The following NR1I2 variants were observed in gnomAD, a reference collection of about 807,000 sequenced individuals.
NR1I2 encodes orphan nuclear receptor PAR1.
Under a neutral mutation model 43.3 loss-of-function variants are expected in NR1I2, and 42 were observed. That is an observed-to-expected ratio of 0.97 (90% CI 0.76 to 1.26). The LOEUF (loss-of-function observed/expected upper bound fraction) is 1.26, where lower values mean the gene tolerates loss of function less well. Among genes scored for constraint, NR1I2 ranks in the 50% most tolerant of loss-of-function variants. The probability of loss-of-function intolerance (pLI) is 0.00; values close to 1 mark genes in which losing one functional copy is unlikely to be tolerated. For synonymous variants in NR1I2, 229 were observed against 215.0 expected (o/e 1.06, Z -0.57); for missense variants, 559 against 566.7 (o/e 0.99, Z 0.14).
intron 1 of NR1I2, among the ~76,000 whole-genome samples, chr3:119,794,222 G>A (rs1036781973): frequency 6.6e-6 from 1 of 151,502 alleles, no homozygotes; most frequent in African/African-American, 2.4e-5. Flanking sequence ...TTTTGAGATA[G>A]AGTCTCACTC....
In NR1I2 at chr3:119,817,400, C is replaced by G. The variant is rs923927976; in HGVS notation, c.*188C>G. On this transcript the variant is annotated 3_prime_UTR_variant, in exon 9 of 9. Coordinates refer to ENST00000393716, the MANE Select transcript of NR1I2 (RefSeq NM_003889.4). ...GGAAGGACATGGGTGCCCCCCACCCCCAGTTCAGTCTGTAGGGAGTGAAGC... is the reference window on the plus strand; with the variant it reads ...GGAAGGACATGGGTGCCCCCCACCCGCAGTTCAGTCTGTAGGGAGTGAAGC... The G allele has an allele frequency of 8.2e-6, 12 of 1,468,688 alleles. No individual in the cohort carries two copies. The highest frequency in any genetic ancestry group is 1.1e-5 in the Non-Finnish European group (12 of 1,110,366). The allele number at this position is 1,468,688 out of a possible 1,614,324, so 91.0% of individuals were successfully genotyped here.
chr3:119,797,398 C>A (rs1386685285), intron 1 of NR1I2, among the ~76,000 whole-genome samples: 1 of 152,086 alleles, frequency 6.6e-6, no homozygotes, highest in African/African-American at 2.4e-5. Context: ...CCTTCCTCTG[C>A]GTCTACCATA....
chr3:119,787,661 G>A (rs2054859966), intron 1 of NR1I2, among the ~76,000 whole-genome samples: 2 of 2,614 alleles, frequency 7.7e-4, no homozygotes, highest in African/African-American at 1.1e-3. Flanking sequence ...ATTAATATGT[G>A]TGTGTGTGTG....
At chr3:119,803,435 G>A (rs1451985213) in intron 1 of NR1I2, among the ~76,000 whole-genome samples, 3 of 152,084 alleles carry the variant, frequency 2.0e-5, no homozygotes, top group Non-Finnish European at 2.9e-5. Flanking sequence ...TATGAGGACA[G>A]AGGGAGAAAG....
In NR1I2 at chr3:119,807,370, C is replaced by T; in HGVS notation, c.120C>T (p.Ile40=). ...ATGAGGAAGTCGGAGGTCCCCAAAT[C>T]TGCCGTGTATGTGGGGACAAGGCCA... The change falls in exon 2 of 9, where the codon ATC becomes ATT. Residue 40 remains isoleucine, a synonymous_variant. Transcript: ENST00000393716. The T allele has an allele frequency of 6.2e-7, 1 of 1,614,240 alleles. No individual in the cohort carries two copies. Among genetic ancestry groups the T allele is most frequent in the Non-Finnish European group, 8.5e-7 (1 of 1,180,034 alleles).
At chr3:119,787,597 A>G (rs1456889622) in intron 1 of NR1I2, among the ~76,000 whole-genome samples, 2 of 150,980 alleles carry the variant, frequency 1.3e-5, no homozygotes, top group Non-Finnish European at 2.9e-5. Flanking sequence ...CAGTATTCTT[A>G]TATTACATTC....
intron 1 of NR1I2, among the ~76,000 whole-genome samples, chr3:119,796,567 G>A (rs542875540): frequency 3.3e-5 from 5 of 152,280 alleles, no homozygotes; most frequent in African/African-American, 1.2e-4. Context: ...ACTCCTGGGA[G>A]CCTTGCTCCT....
In NR1I2 at chr3:119,813,005, A is replaced by G. The variant is rs368458189; in HGVS notation, c.794+45A>G. The G allele has an allele frequency of 5.0e-5, 80 of 1,600,554 alleles. No individual in the cohort carries two copies. The African/African-American group carries it at 1.0e-3, about 20-fold the overall frequency. ...TGGTTGGGTGTGGAAAAGAACTGGA[A>G]GTGGCCAGGAGGTTCAAAGGGCCTG... is the stretch of plus-strand genomic sequence containing the variant. On this transcript the variant is annotated intron_variant, in intron 5 of 8. Transcript: ENST00000393716.
intron 1 of NR1I2, among the ~76,000 whole-genome samples, chr3:119,800,798 G>T (rs959057841): frequency 8.5e-5 from 13 of 152,200 alleles, no homozygotes; most frequent in Non-Finnish European, 8.8e-5. Flanking sequence ...CTTCCTGCCT[G>T]GGAACAGAGA....
At chr3:119,816,775 C>A (rs891640132) in intron 8 of NR1I2, among the ~76,000 whole-genome samples, 1 of 150,438 alleles carries the variant, frequency 6.6e-6, no homozygotes, top group South Asian at 2.1e-4. Flanking sequence ...AGTCCATGAT[C>A]GTGCCATCAT....
At position 119,807,236 on chromosome 3, in the gene NR1I2, G is replaced by T; in HGVS notation, c.-15G>T. 1 of 1,614,006 alleles carries T rather than the reference G, an allele frequency of 6.2e-7. No individual in the cohort carries two copies. The highest frequency in any genetic ancestry group is 8.5e-7 in the Non-Finnish European group (1 of 1,179,912). On this transcript the variant is annotated 5_prime_UTR_variant, in exon 2 of 9. It adds an upstream start codon to the 5' untranslated region. Transcript: ENST00000393716. ...TGGTTTTCTCATTTCTAGTCCAAGA[G>T]GCCCAGAAGCAAACCTGGAGGTGAG...
At chr3:119,809,559 G>A (rs1297494734) in intron 2 of NR1I2, among the ~76,000 whole-genome samples, 1 of 138,948 alleles carries the variant, frequency 7.2e-6, no homozygotes, top group South Asian at 2.7e-4. Flanking sequence ...GGGGGAAGGC[G>A]GGGGGGAAGG....
chr3:119,813,000 C>G (rs1445475263), intron 5 of NR1I2, 40 bp downstream of exon 5: 1 of 1,605,036 alleles, frequency 6.2e-7, no homozygotes, highest in Non-Finnish European at 8.5e-7. Context: ...TGGAAAAGAA[C>G]TGGAAGTGGC....
intron 1 of NR1I2, among the ~76,000 whole-genome samples, chr3:119,798,927 A>G (rs2055039351): frequency 6.6e-6 from 1 of 152,196 alleles, no homozygotes; most frequent in Non-Finnish European, 1.5e-5. Context: ...TGCATTCCAC[A>G]TTTTATTGAT....
chr3:119,783,459 A>G (rs1051792010), intron 1 of NR1I2, among the ~76,000 whole-genome samples: 1 of 152,118 alleles, frequency 6.6e-6, no homozygotes, highest in Admixed American at 6.5e-5. Flanking sequence ...AAATTGACCA[A>G]TTGCGAAAGA....
At chr3:119,787,370 G>A (rs1183323014) in intron 1 of NR1I2, among the ~76,000 whole-genome samples, 1 of 151,932 alleles carries the variant, frequency 6.6e-6, no homozygotes. Context: ...TTTGCAAAAG[G>A]GATAATAAGA....
At chr3:119,816,609 C>T (rs535931727) in intron 8 of NR1I2, among the ~76,000 whole-genome samples, 14 of 152,060 alleles carry the variant, frequency 9.2e-5, no homozygotes, top group Non-Finnish European at 1.8e-4. Context: ...TCCCTTGGGG[C>T]CAGGAGTTCA....
chr3:119,788,316 T>C (rs1184731477), intron 1 of NR1I2, among the ~76,000 whole-genome samples: 1 of 151,984 alleles, frequency 6.6e-6, no homozygotes, highest in Non-Finnish European at 1.5e-5. Flanking sequence ...CAAAGTCTCA[T>C]GTTGTTGCCC....
At position 119,815,744 on chromosome 3, in the gene NR1I2, A is replaced by G. The variant is rs768717426; in HGVS notation, c.1073A>G (p.Gln358Arg). 2 of 1,613,594 alleles carry G rather than the reference A, an allele frequency of 1.2e-6. No homozygotes were observed. Among genetic ancestry groups the G allele is most frequent in the South Asian group, 2.2e-5 (2 of 90,840 alleles). ...CCTCCAGACCGCCCAGGTGTGCTGC[A>G]GCACCGCGTGGTGGACCAGCTGCAG... The change falls in exon 8 of 9, where the codon CAG (glutamine) becomes CGG (arginine). Residue 358 changes from glutamine to arginine, a missense_variant. Around this residue, in one of 3 missense-constraint regions of NR1I2, gnomAD observed 323 missense variants for 312.2 expected, o/e 1.03. Coordinates refer to ENST00000393716, the MANE Select transcript of NR1I2 (RefSeq NM_003889.4).
Sources: gnomAD v4.1 joint callset for allele counts (sites outside exome capture counted in the v4.1 genomes callset) on GRCh38, gnomAD v4.1.1 for gene constraint, gnomAD v4.1.1 regional missense constraint, MANE v1.5 for transcripts, NCBI Gene and HGNC (gene_info 2026-07-23, HGNC 2026-07-21) for gene names.